Variants in POTEC observed in about 807,000 individuals in gnomAD.
POTEC encodes the protein ANKRD26-like family B member 2.
POTEC carries 35 observed loss-of-function variants against 62.0 expected under a neutral mutation model. That is an observed-to-expected ratio of 0.56 (90% CI 0.43 to 0.75). POTEC has a LOEUF of 0.75. POTEC is among the 30% of genes least tolerant of loss of function. The pLI is 0.00. For missense variants in POTEC, 472 were observed against 655.9 expected, an observed-to-expected ratio of 0.72 and a Z score of 3.06; for synonymous variants, 156 against 221.5, an observed-to-expected ratio of 0.70 and a Z score of 2.62.
intron 3 of POTEC, among the ~76,000 whole-genome samples, chr18:14,537,139 A>G (rs1435095126): frequency 3.5e-5 from 5 of 144,586 alleles, no homozygotes; most frequent in African/African-American, 1.3e-4. Flanking sequence ...ACCCTGTCTC[A>G]CCATATAAAG....
At chr18:14,536,773 C>A (rs923317981) in intron 3 of POTEC, among the ~76,000 whole-genome samples, 17 of 152,114 alleles carry the variant, frequency 1.1e-4, no homozygotes, top group East Asian at 7.7e-4. Flanking sequence ...AGGAGAGAGA[C>A]TCATTTGCTG....
chr18:14,530,125 A>G (rs929312805), intron 6 of POTEC, among the ~76,000 whole-genome samples: 1 of 151,578 alleles, frequency 6.6e-6, no homozygotes, highest in African/African-American at 2.4e-5. Context: ...TGGAGCATGA[A>G]CCCTGTTGTG....
chr18:14,514,500 T>TA (rs1910098033), intron 9 of POTEC, among the ~76,000 whole-genome samples: 1 of 152,250 alleles, frequency 6.6e-6, no homozygotes. Context: ...AGTTTCCACT[T>TA]ATATTCTTGA....
Position 14,542,677 on chromosome 18 carries a change from A to G in POTEC, c.470T>C (p.Leu157Pro), listed in dbSNP as rs368940627. ...GTCCGTGTCCCTGAGCATGACGATGAGATCCTTTCTGGGGACCTTACCCCA... is the reference window on the plus strand; with the variant it reads ...GTCCGTGTCCCTGAGCATGACGATGGGATCCTTTCTGGGGACCTTACCCCA... Reference protein sequence around the residue: ...AWWGKVPRKDLIVMLRDTDMN... With the variant: ...AWWGKVPRKDPIVMLRDTDMN... Residue 157 changes from leucine to proline, a missense_variant, in exon 1 of 11, where the codon CTC (leucine) becomes CCC (proline). Transcript: ENST00000358970. 1 of 1,612,834 alleles carries G rather than the reference A, an allele frequency of 6.2e-7. No homozygotes were observed. The highest frequency in any genetic ancestry group is 1.3e-5 in the African/African-American group (1 of 74,826).
intron 3 of POTEC, among the ~76,000 whole-genome samples, chr18:14,536,189 C>G (rs1905707552): frequency 6.7e-6 from 1 of 150,020 alleles, no homozygotes; most frequent in Non-Finnish European, 1.5e-5. Context: ...CGCATCACTG[C>G]ACTCCAGCCT....
chr18:14,522,138 G>A, intron 9 of POTEC, 116 bp downstream of exon 9: 1 of 1,394,626 alleles, frequency 7.2e-7, no homozygotes, highest in Non-Finnish European at 9.6e-7. Context: ...TGATTAACAG[G>A]CAAGGCTGAA....
At chr18:14,536,700 T>C (rs1462800626) in intron 3 of POTEC, among the ~76,000 whole-genome samples, 1 of 152,164 alleles carries the variant, frequency 6.6e-6, no homozygotes, top group African/African-American at 2.4e-5. Flanking sequence ...TTCAGTCTCA[T>C]CTCTCATCCA....
intron 9 of POTEC, among the ~76,000 whole-genome samples, chr18:14,518,862 G>C (rs1294575512): frequency 1.3e-5 from 2 of 151,286 alleles, no homozygotes; most frequent in African/African-American, 4.9e-5. Flanking sequence ...GAGCAAGGGA[G>C]ATAATTAGGA....
rs1335901508 is a variant in POTEC at position 14,542,987 on chromosome 18, T to G, written c.160A>C (p.Met54Leu). The G allele has an allele frequency of 6.3e-7, 1 of 1,576,704 alleles. No homozygotes were observed. Among genetic ancestry groups the G allele is most frequent in the Non-Finnish European group, 8.6e-7 (1 of 1,158,978 alleles). The change falls in exon 1 of 11, where the codon ATG becomes CTG. Residue 54 changes from methionine (M) to leucine (L), a missense_variant. Physicochemically the swap from Met to Leu is conservative, Grantham distance 15. This residue lies in a region of POTEC where 257 missense variants were observed against 250.7 expected (regional missense o/e 1.03). Transcript: ENST00000358970. ...CCCATCTTGCTCCTGAGCATCTTCATAAAGGAGTCGTCGTGGTCTCCAGAA... is the reference window on the plus strand; with the variant it reads ...CCCATCTTGCTCCTGAGCATCTTCAGAAAGGAGTCGTCGTGGTCTCCAGAA... Reference protein sequence around the residue: ...GTSGDHDDSFMKMLRSKMGKC... With the variant: ...GTSGDHDDSFLKMLRSKMGKC...
chr18:14,527,051 A>G (rs1384622615), intron 6 of POTEC, among the ~76,000 whole-genome samples: 2 of 152,158 alleles, frequency 1.3e-5, no homozygotes, highest in Admixed American at 6.6e-5. Flanking sequence ...TTATAAAGTT[A>G]TAGTGTATAT....
chr18:14,517,885 C>T (rs1052776654), intron 9 of POTEC, among the ~76,000 whole-genome samples: 3 of 152,100 alleles, frequency 2.0e-5, no homozygotes, highest in African/African-American at 7.2e-5. Context: ...TACCAGTAAA[C>T]TTTGCAATTC....
At chr18:14,526,772 C>T (rs1051331586) in intron 6 of POTEC, among the ~76,000 whole-genome samples, 1 of 152,090 alleles carries the variant, frequency 6.6e-6, no homozygotes, top group African/African-American at 2.4e-5. Context: ...TTATGAAAGC[C>T]TTATGTGTAC....
chr18:14,513,521 G>C, intron 10 of POTEC, 141 bp downstream of exon 10: 1 of 1,312,448 alleles, frequency 7.6e-7, no homozygotes. Flanking sequence ...TATACAGGGT[G>C]TGTGTTTACA....
At chr18:14,518,427 T>C (rs571738900) in intron 9 of POTEC, among the ~76,000 whole-genome samples, 6 of 152,228 alleles carry the variant, frequency 3.9e-5, no homozygotes, top group Admixed American at 3.9e-4. Context: ...AAAAAACCTT[T>C]TATTTGTATA....
rs1026153667 is a variant in POTEC at position 14,507,393 on chromosome 18, T to G, written c.*4505A>C. The G allele has an allele frequency of 1.3e-5, 2 of 151,522 alleles. No homozygotes were observed. The highest frequency in any genetic ancestry group is 4.9e-5 in the African/African-American group (2 of 41,196). The allele number at this position is 151,522 out of a possible 1,614,324, so 9.4% of individuals were successfully genotyped here. On this transcript the variant is annotated 3_prime_UTR_variant, in exon 11 of 11. Transcript: ENST00000358970. ...AGTCTGTTTTGTCAGAAACTAGGAG[T>G]GCAACACCTGCTTTTTTCTGTTTTC...
At chr18:14,516,828 C>A (rs1029064398) in intron 9 of POTEC, among the ~76,000 whole-genome samples, 6 of 151,682 alleles carry the variant, frequency 4.0e-5, no homozygotes, top group Admixed American at 1.3e-4. Flanking sequence ...CTGAATTTGC[C>A]AGCAGCAAAC....
chr18:14,523,876 T>C (rs550485626), intron 7 of POTEC, among the ~76,000 whole-genome samples: 2 of 152,242 alleles, frequency 1.3e-5, no homozygotes, highest in East Asian at 1.9e-4. Context: ...AGCAGATGAT[T>C]TGTAGTGTTC....
At chr18:14,536,421 C>T (rs1005640875) in intron 3 of POTEC, among the ~76,000 whole-genome samples, 6 of 151,860 alleles carry the variant, frequency 4.0e-5, no homozygotes, top group Non-Finnish European at 8.8e-5. Context: ...TTGTTAGAGA[C>T]AGGGTCTCAT....
chr18:14,539,677 C>A (rs1185268288), intron 1 of POTEC, among the ~76,000 whole-genome samples: 1 of 151,516 alleles, frequency 6.6e-6, no homozygotes, highest in Non-Finnish European at 1.5e-5. Context: ...CTTAAAACAG[C>A]TAAAACAGTC....
Sources: gnomAD v4.1 joint callset for allele counts (sites outside exome capture counted in the v4.1 genomes callset) on GRCh38, gnomAD v4.1.1 for gene constraint, gnomAD v4.1.1 regional missense constraint, MANE v1.5 for transcripts, NCBI Gene and HGNC (gene_info 2026-07-23, HGNC 2026-07-21) for gene names.